MAP3K15: variants seen among roughly 807,000 people sequenced by gnomAD.
MAP3K15 encodes mitogen-activated protein kinase kinase kinase 15, also known as MAPK/ERK kinase kinase 15.
Under a neutral mutation model 99.5 loss-of-function variants are expected in MAP3K15, and 124 were observed. The ratio of observed to expected loss-of-function variants is 1.25; its 90% CI spans 1.08 to 1.45. The LOEUF is 1.45. MAP3K15 is among the 40% of genes most tolerant of loss of function. The pLI is 0.00. For synonymous variants in MAP3K15, 494 were observed against 439.6 expected, an observed-to-expected ratio of 1.12 and a Z score of -1.55; for missense variants, 1,242 against 1,079.7, an observed-to-expected ratio of 1.15 and a Z score of -2.11.
intron 1 of MAP3K15, among the ~76,000 whole-genome samples, chrX:19,511,408 T>C (rs2064517491): frequency 8.9e-6 from 1 of 112,182 alleles, no homozygotes; most frequent in African/African-American, 3.2e-5. Context: ...AGAACGTTTT[T>C]GGAATCTATC....
At chrX:19,383,321 T>C (rs2063472780) in intron 18 of MAP3K15, among the ~76,000 whole-genome samples, 1 of 112,471 alleles carries the variant, frequency 8.9e-6, no homozygotes, top group Non-Finnish European at 1.9e-5. Context: ...CTGACTAATA[T>C]AATCACTAAA....
intron 3 of MAP3K15, among the ~76,000 whole-genome samples, chrX:19,480,590 G>A (rs1462376763): frequency 9.5e-6 from 1 of 104,931 alleles, no homozygotes; most frequent in African/African-American, 3.5e-5. Context: ...CAAGGCAGGT[G>A]GATCACCTGA....
intron 6 of MAP3K15, among the ~76,000 whole-genome samples, chrX:19,445,944 T>A (rs189960230): frequency 0.087 from 2,574 of 29,577 alleles, 61 homozygotes; most frequent in African/African-American, 0.2. Context: ...CGAAACTCCA[T>A]CTCAAAAATC....
At chrX:19,451,014 A>G (rs1175062684) in intron 6 of MAP3K15, among the ~76,000 whole-genome samples, 1 of 109,445 alleles carries the variant, frequency 9.1e-6, no homozygotes, top group Non-Finnish European at 1.9e-5. Flanking sequence ...GGCCGGGTGC[A>G]GTGGCTCACG....
rs1311787117 is a variant in MAP3K15, at chrX:19,380,272, G to A, written c.2437C>T (p.Leu813=). ...NPCTETFTGT[L]QYMAPEIIDQ... Reference sequence around the variant, plus strand: ...ATTATCTCAGGTGCCATGTACTGCAGGGTGCCTATTTGGAAAACAAACAAA... The same window carrying A: ...ATTATCTCAGGTGCCATGTACTGCAAGGTGCCTATTTGGAAAACAAACAAA... Residue 813 remains leucine, a synonymous_variant, in exon 19 of 29, where the codon CTG becomes TTG. Coordinates refer to ENST00000338883, the MANE Select transcript of MAP3K15 (RefSeq NM_001001671.4). 8.3e-7 allele frequency: 1 copy of A among 1,208,666 alleles called. No individual in the cohort carries two copies. Among genetic ancestry groups the A allele is most frequent in the East Asian group, 3.0e-5 (1 of 33,737 alleles).
intron 1 of MAP3K15, among the ~76,000 whole-genome samples, chrX:19,508,155 G>C (rs186282021): frequency 9.2e-6 from 1 of 108,574 alleles, no homozygotes; most frequent in Admixed American, 9.9e-5. Context: ...GGCATGAGCC[G>C]CCACGCCCAG....
At chrX:19,502,745 C>T (rs775528696) in intron 1 of MAP3K15, among the ~76,000 whole-genome samples, 44 of 111,847 alleles carry the variant, frequency 3.9e-4, no homozygotes, top group African/African-American at 4.9e-4. Context: ...CACTTGAGCC[C>T]GGGAAAGTGG....
chrX:19,373,550 A>G lies in MAP3K15; in HGVS notation c.2919T>C (p.Leu973=), dbSNP rs1436000930. Residue 973 remains leucine (L), a synonymous_variant, in exon 21 of 29, where the codon CTT becomes CTC. Transcript: ENST00000338883. The part of the protein sequence containing the change: ...FERTRAPRHH[L]GHLLSVPDES... ...TACGGGTGTACCTGAGGAGGTGGCCAAGGTGGTGCCTGGGCGCCCGGGTCC... is the reference window on the plus strand; with the variant it reads ...TACGGGTGTACCTGAGGAGGTGGCCGAGGTGGTGCCTGGGCGCCCGGGTCC... 2 of 1,171,125 alleles carry G rather than the reference A, an allele frequency of 1.7e-6. No individual in the cohort carries two copies. The highest frequency in any genetic ancestry group is 2.3e-6 in the Non-Finnish European group (2 of 874,724).
At chrX:19,414,579 G>C (rs2063717547) in intron 10 of MAP3K15, among the ~76,000 whole-genome samples, 1 of 112,378 alleles carries the variant, frequency 8.9e-6, no homozygotes, top group African/African-American at 3.2e-5. Context: ...AAGCAATTTT[G>C]CCTTTTTGGT....
intron 1 of MAP3K15, among the ~76,000 whole-genome samples, chrX:19,514,348 G>C (rs756732454): frequency 9.6e-6 from 1 of 104,583 alleles, no homozygotes; most frequent in Non-Finnish European, 2.0e-5. Flanking sequence ...TTGGGAGAAG[G>C]GGGGCTTGGT....
chrX:19,484,707 C>T (rs980258144), intron 3 of MAP3K15, among the ~76,000 whole-genome samples: 22 of 112,016 alleles, frequency 2.0e-4, no homozygotes, highest in African/African-American at 6.8e-4. Flanking sequence ...CTTGCCTCAA[C>T]GTAACTCTTG....
Position 19,387,163 on chromosome X carries a change from C to T in MAP3K15, c.2431+4839G>A, listed in dbSNP as rs148761652. Among the ~76,000 whole-genome samples, 925 of 111,287 alleles carry T rather than the reference C, an allele frequency of 8.3e-3. 5 individuals are homozygous for T. The highest frequency in any genetic ancestry group is 0.028 in the African/African-American group (867 of 30,632). ...AGCCTTTGAAGGGGGCTTCACTGAG[C>T]GACTCAGCTCCATGTGTATGTGTTC... is the stretch of plus-strand genomic sequence containing the variant. On this transcript the variant is annotated intron_variant, in intron 18 of 28. Coordinates refer to ENST00000338883, the MANE Select transcript of MAP3K15 (RefSeq NM_001001671.4).
At chrX:19,473,475 A>G (rs1602336858) in intron 3 of MAP3K15, among the ~76,000 whole-genome samples, 1 of 112,761 alleles carries the variant, frequency 8.9e-6, no homozygotes, top group Admixed American at 9.4e-5. Flanking sequence ...TGTTACATTT[A>G]TAAGTGGAAA....
At chrX:19,421,025 A>G (rs978016181) in intron 9 of MAP3K15, among the ~76,000 whole-genome samples, 2 of 111,280 alleles carry the variant, frequency 1.8e-5, no homozygotes, top group African/African-American at 6.6e-5. Flanking sequence ...TATTGATGGG[A>G]CGTATCTCAA....
chrX:19,424,279 C>T (rs7065435), intron 9 of MAP3K15, among the ~76,000 whole-genome samples: 21 of 87,388 alleles, frequency 2.4e-4, no homozygotes, highest in African/African-American at 9.2e-4. Context: ...CACATATATA[C>T]ACACATATAT....
At position 19,360,608 on chromosome X, in the gene MAP3K15, TA is replaced by T. The variant is rs1231424477; in HGVS notation, c.*140del. On this transcript the variant is annotated 3_prime_UTR_variant, in exon 29 of 29. Coordinates refer to ENST00000338883, the MANE Select transcript of MAP3K15 (RefSeq NM_001001671.4). ...TTCAAAAGAAACTCAGGACAGTATT[TA>T]AAACAAGTTCTTAAACTATTAATTG... 4.2e-6 allele frequency: 2 copies of T among 473,948 alleles called. No homozygotes were observed. The highest frequency in any genetic ancestry group is 4.0e-5 in the Admixed American group (1 of 25,283). 39.1% of individuals were successfully genotyped at this position (473,948 alleles called of 1,213,427 possible).
At chrX:19,468,543 T>C (rs1162660000) in intron 3 of MAP3K15, among the ~76,000 whole-genome samples, 1 of 111,723 alleles carries the variant, frequency 9.0e-6, no homozygotes, top group Non-Finnish European at 1.9e-5. Context: ...ACTACTGTCA[T>C]TCCTGGGTGA....
intron 17 of MAP3K15, 49 bp downstream of exon 17, chrX:19,392,294 T>A: frequency 8.5e-7 from 1 of 1,177,617 alleles, no homozygotes; most frequent in Non-Finnish European, 1.1e-6. Flanking sequence ...ACAGCTCTCA[T>A]GATCTGATAC....
intron 6 of MAP3K15, among the ~76,000 whole-genome samples, chrX:19,455,513 A>ATTTTTT (rs755405077): frequency 3.0e-5 from 2 of 65,752 alleles, no homozygotes; most frequent in African/African-American, 1.9e-4. Flanking sequence ...TGCCTGGCTA[A>ATTTTTT]TTTTTTTTTT....
Sources: gnomAD v4.1 joint callset for allele counts (sites outside exome capture counted in the v4.1 genomes callset) on GRCh38, gnomAD v4.1.1 for gene constraint, MANE v1.5 for transcripts, NCBI Gene and HGNC (gene_info 2026-07-23, HGNC 2026-07-21) for gene names.